The following ROBO2 variants were observed in gnomAD, a reference collection of about 807,000 sequenced individuals.
The protein encoded by ROBO2 is roundabout homolog 2.
Under a neutral mutation model 160.8 loss-of-function variants are expected in ROBO2, and 53 were observed. The observed-to-expected ratio is 0.33, with a 90% CI of 0.26 to 0.41. ROBO2 has a LOEUF of 0.41. ROBO2 is among the 10% of genes least tolerant of loss of function. ROBO2 has a pLI of 1.00. For synonymous variants in ROBO2, 664 were observed against 611.7 expected (o/e 1.09, Z -1.26); for missense variants, 1,577 against 1,722.4 (o/e 0.92, Z 1.49).
At chr3:77,493,296 A>G in exon 5 of ROBO2, 2 of 1,614,086 alleles carry the variant, frequency 1.2e-6, no homozygotes, top group Non-Finnish European at 1.7e-6. Flanking sequence ...TGGAGGAAGA[A>G]GCTGTAGAAT....
chr3:77,584,727 G>C (rs979818483), intron 16 of ROBO2, among the ~76,000 whole-genome samples: 1 of 151,790 alleles, frequency 6.6e-6, no homozygotes, highest in African/African-American at 2.4e-5. Context: ...TCCTTAACCT[G>C]AGGGAAACCT....
intron 2 of ROBO2, among the ~76,000 whole-genome samples, chr3:76,513,744 A>C (rs2081217462): frequency 6.6e-6 from 1 of 152,338 alleles, no homozygotes; most frequent in Non-Finnish European, 1.5e-5. Context: ...AATAAACTCC[A>C]TATGTCCACT....
chr3:76,668,898 T>C (rs900598201), intron 2 of ROBO2, among the ~76,000 whole-genome samples: 3 of 152,112 alleles, frequency 2.0e-5, no homozygotes, highest in Non-Finnish European at 4.4e-5. Flanking sequence ...GGTGGTTTCA[T>C]CTTTCTTTGG....
intron 2 of ROBO2, among the ~76,000 whole-genome samples, chr3:77,424,781 G>A (rs2078025001): frequency 6.6e-6 from 1 of 152,132 alleles, no homozygotes; most frequent in South Asian, 2.1e-4. Context: ...AAGTCACAAA[G>A]AGAAGGGTTG....
intron 2 of ROBO2, among the ~76,000 whole-genome samples, chr3:76,552,373 A>G (rs973630919): frequency 3.9e-5 from 6 of 152,212 alleles, no homozygotes; most frequent in African/African-American, 1.4e-4. Context: ...TTCACTAGGT[A>G]AAACATTTAT....
intron 2 of ROBO2, among the ~76,000 whole-genome samples, chr3:77,431,456 T>A (rs1262675261): frequency 1.3e-5 from 2 of 152,322 alleles, no homozygotes; most frequent in East Asian, 1.9e-4. Flanking sequence ...ATTGTTCAAG[T>A]CAACCACAGT....
chr3:77,386,066 TA>T (rs1465493282), intron 2 of ROBO2, among the ~76,000 whole-genome samples: 2 of 152,360 alleles, frequency 1.3e-5, no homozygotes, highest in African/African-American at 4.8e-5. Context: ...CTAATGAAGG[TA>T]AAATGCAGGT....
At position 76,561,463 on chromosome 3, in the gene ROBO2, T is replaced by A. The variant is rs918260525; in HGVS notation, c.110-536551T>A. Among the ~76,000 whole-genome samples the A allele has an allele frequency of 5.9e-5, 9 of 152,178 alleles. 1 individual carries two copies. Among genetic ancestry groups the A allele is most frequent in the African/African-American group, 2.4e-5 (1 of 41,456 alleles). On this transcript the variant is annotated intron_variant, in intron 2 of 26. Coordinates refer to the ROBO2 transcript ENST00000487694. ...CAAACCCCTTTCTTTTCTGCCTTAA[T>A]TGGATCAACCTGAACTGAAAATGCT... is the stretch of plus-strand genomic sequence containing the variant.
intron 2 of ROBO2, among the ~76,000 whole-genome samples, chr3:76,351,107 T>C (rs891992897): frequency 2.0e-5 from 3 of 151,852 alleles, no homozygotes; most frequent in Non-Finnish European, 4.4e-5. Context: ...TCCTCAACCC[T>C]CTCAATAAAA....
At chr3:76,996,109 A>G (rs1407198179) in intron 2 of ROBO2, among the ~76,000 whole-genome samples, 1 of 152,278 alleles carries the variant, frequency 6.6e-6, no homozygotes, top group Non-Finnish European at 1.5e-5. Flanking sequence ...TCTTTAATCC[A>G]TCTTGAATTA....
At chr3:76,690,595 G>GTTAC (rs1287686605) in intron 2 of ROBO2, among the ~76,000 whole-genome samples, 1 of 151,896 alleles carries the variant, frequency 6.6e-6, no homozygotes, top group Non-Finnish European at 1.5e-5. Context: ...TAAGTATTTT[G>GTTAC]TTACAGCAAC....
intron 2 of ROBO2, among the ~76,000 whole-genome samples, chr3:76,970,607 G>C (rs1181654742): frequency 1.3e-5 from 2 of 152,202 alleles, no homozygotes; most frequent in East Asian, 3.9e-4. Flanking sequence ...GTCTTTCCAG[G>C]AAACAAAACT....
At chr3:75,979,533 C>T (rs896922360) in intron 2 of ROBO2, among the ~76,000 whole-genome samples, 1 of 151,266 alleles carries the variant, frequency 6.6e-6, no homozygotes, top group African/African-American at 2.4e-5. Context: ...ACAATCTAAC[C>T]TATTGGGAGC....
At chr3:76,953,032 A>C (rs2079048917) in intron 2 of ROBO2, among the ~76,000 whole-genome samples, 1 of 152,318 alleles carries the variant, frequency 6.6e-6, no homozygotes, top group South Asian at 2.1e-4. Flanking sequence ...ACAATGTACT[A>C]ATCCTGATAT....
intron 2 of ROBO2, among the ~76,000 whole-genome samples, chr3:76,843,391 A>C (rs2068480744): frequency 6.6e-6 from 1 of 151,972 alleles, no homozygotes; most frequent in Admixed American, 6.6e-5. Flanking sequence ...TATAGTAAAT[A>C]TTTTATGAGT....
chr3:76,094,784 A>G (rs571350679), intron 2 of ROBO2, among the ~76,000 whole-genome samples: 47 of 152,350 alleles, frequency 3.1e-4, no homozygotes, highest in African/African-American at 1.1e-3. Flanking sequence ...AAATCAGCCA[A>G]TATGTTTACA....
At chr3:76,409,815 A>G (rs571290973) in intron 2 of ROBO2, among the ~76,000 whole-genome samples, 9 of 152,272 alleles carry the variant, frequency 5.9e-5, no homozygotes, top group African/African-American at 2.2e-4. Context: ...TCAGATAAGA[A>G]TATGCCTTAA....
chr3:76,450,281 G>T (rs2077409155), intron 2 of ROBO2, among the ~76,000 whole-genome samples: 2 of 152,104 alleles, frequency 1.3e-5, no homozygotes, highest in Non-Finnish European at 2.9e-5. Context: ...CAAATTTCAG[G>T]AAATTGTGAT....
chr3:77,539,647 A>G (rs1297990177), intron 6 of ROBO2, among the ~76,000 whole-genome samples: 2 of 152,306 alleles, frequency 1.3e-5, no homozygotes, highest in Admixed American at 1.3e-4. Flanking sequence ...ATTCCGAGGC[A>G]TTCATTTAGT....
Sources: allele counts gnomAD v4.1 joint callset (sites outside exome capture counted in the v4.1 genomes callset), GRCh38; gene constraint gnomAD v4.1.1; transcripts MANE v1.5; gene names NCBI Gene and HGNC (gene_info 2026-07-23, HGNC 2026-07-21).